The following FANK1 variants were observed in gnomAD, a reference collection of about 807,000 sequenced individuals.
The protein encoded by FANK1 is fibronectin type III and ankyrin repeat domains 1, also known as fibronectin type 3 and ankyrin repeat domains protein 1.
Under a neutral mutation model 45.3 loss-of-function variants are expected in FANK1, and 44 were observed. The ratio of observed to expected loss-of-function variants is 0.97; its 90% CI spans 0.76 to 1.25. The LOEUF (loss-of-function observed/expected upper bound fraction) is 1.25. Ranked by LOEUF, FANK1 falls within the 50% of genes most tolerant of loss-of-function variation. The pLI, the probability that FANK1 is intolerant of heterozygous loss-of-function variation, is 0.00. For synonymous variants in FANK1, 149 were observed against 152.5 expected (o/e 0.98, Z 0.17); for missense variants, 391 against 424.4 (o/e 0.92, Z 0.69).
At chr10:125,933,052 A>G (rs1183284749) in intron 1 of FANK1, among the ~76,000 whole-genome samples, 1 of 152,132 alleles carries the variant, frequency 6.6e-6, no homozygotes, top group Non-Finnish European at 1.5e-5. Context: ...TATGAAATCC[A>G]TTTGATCATG....
At chr10:125,956,202 T>TTGG (rs1554930957) in intron 1 of FANK1, among the ~76,000 whole-genome samples, 40 of 72,496 alleles carry the variant, frequency 5.5e-4, no homozygotes, top group Non-Finnish European at 9.5e-4. Flanking sequence ...ATACATTTTT[T>TTGG]GGGGGGGGGG....
chr10:125,942,312 C>T (rs1278555651), intron 1 of FANK1, among the ~76,000 whole-genome samples: 1 of 152,148 alleles, frequency 6.6e-6, no homozygotes, highest in Admixed American at 6.5e-5. Context: ...TTGATAGGTG[C>T]AGCAAACCAC....
In FANK1 at chr10:125,912,465, TG is replaced by T. The variant is rs1946098613; in HGVS notation, c.13+15811del. Among the ~76,000 whole-genome samples the T allele has an allele frequency of 2.9e-5, 4 of 137,740 alleles. No individual in the cohort carries two copies. In the South Asian group the frequency reaches 6.8e-4, roughly 23 times the overall value. 90.4% of individuals were successfully genotyped at this position (137,740 alleles called of 152,430 possible). A position where few individuals can be genotyped will look rare whatever the true frequency, so the allele number is the denominator to read the frequency against. ...CAAAGTGTGTGTGTGTGTGTGTGTG[TG>T]TGTGTGTGTGTGTGTGTGTGTTTTT... On this transcript the variant is annotated intron_variant, in intron 1 of 10. Coordinates refer to ENST00000368693, the MANE Select transcript of FANK1 (RefSeq NM_145235.5).
chr10:125,973,050 T>A (rs1319993033), intron 1 of FANK1: 1 of 152,310 alleles, frequency 6.6e-6, no homozygotes, highest in Non-Finnish European at 1.5e-5. Flanking sequence ...GAAGTGGGCC[T>A]GTGCCCAGCT....
In FANK1 at chr10:125,995,047, A is replaced by G. The variant is rs1952221535; in HGVS notation, c.317-370A>G. 17 of 695,194 alleles carry G rather than the reference A, an allele frequency of 2.4e-5. No individual in the cohort carries two copies. The South Asian group carries it at 9.8e-4, about 40-fold the overall frequency. 43.1% of individuals were successfully genotyped at this position (695,194 alleles called of 1,614,324 possible). ...TTTTTTTTTTTCCAAGTAGTTTAAC[A>G]TCTCTTTGGCAAATAAAACTAGCAT... On this transcript the variant is annotated intron_variant, in intron 3 of 10. Coordinates refer to ENST00000368693, the MANE Select transcript of FANK1 (RefSeq NM_145235.5).
chr10:125,945,269 A>C (rs1332501337), intron 1 of FANK1, among the ~76,000 whole-genome samples: 1 of 152,232 alleles, frequency 6.6e-6, no homozygotes, highest in East Asian at 1.9e-4. Context: ...GAATAGGAAC[A>C]GCTCCGGTCT....
intron 6 of FANK1, 45 bp downstream of exon 6, chr10:125,997,530 T>C (rs1395715084): frequency 2.5e-6 from 4 of 1,576,912 alleles, no homozygotes; most frequent in East Asian, 2.2e-5. Context: ...GTTCTCAGAA[T>C]TGTGTTGCTA....
chr10:125,995,275 G>A, intron 3 of FANK1, 142 bp from the exon 4 acceptor site: 1 of 713,610 alleles, frequency 1.4e-6, no homozygotes, highest in Non-Finnish European at 2.4e-6. Context: ...AAGCAGGTGA[G>A]TAGGAAATGT....
intron 1 of FANK1, among the ~76,000 whole-genome samples, chr10:125,978,240 A>T (rs564451514): frequency 6.6e-6 from 1 of 151,640 alleles, no homozygotes; most frequent in South Asian, 2.1e-4. Flanking sequence ...TGTCGGCCCA[A>T]AGGCACCTGT....
intron 3 of FANK1, among the ~76,000 whole-genome samples, chr10:125,992,741 G>A (rs1436990687): frequency 2.6e-5 from 4 of 152,010 alleles, no homozygotes; most frequent in Admixed American, 6.6e-5. Flanking sequence ...TTCTGTTCAG[G>A]TAAGATGGAG....
At chr10:125,988,768 A>G in intron 3 of FANK1, 93 bp downstream of exon 3, 1 of 1,585,330 alleles carries the variant, frequency 6.3e-7, no homozygotes, top group East Asian at 2.2e-5. Flanking sequence ...GTTTGGCCTT[A>G]CCAGAAGCAG....
chr10:125,965,662 A>G (rs762074828), intron 1 of FANK1, among the ~76,000 whole-genome samples: 18 of 152,192 alleles, frequency 1.2e-4, no homozygotes, highest in East Asian at 1.9e-4. Context: ...GTCCTCATCT[A>G]TAAATTGAGA....
Position 126,008,540 on chromosome 10 carries a change from C to T in FANK1, c.839C>T (p.Thr280Met), listed in dbSNP as rs758570268. The part of the protein sequence containing the change: ...NVNVKDRNGK[T>M]PLMVAVLNNH... ...AATGTGAAGGACAGAAATGGAAAGACGCCCCTTATGGTAGGTCCTCCTCCC... is the reference window on the plus strand; with the variant it reads ...AATGTGAAGGACAGAAATGGAAAGATGCCCCTTATGGTAGGTCCTCCTCCC... Residue 280 changes from threonine (T) to methionine (M), a missense_variant, in exon 8 of 11, where the codon ACG (threonine) becomes ATG (methionine). Thr to Met is a moderately conservative substitution (Grantham distance 81, BLOSUM62 -1). Transcript: ENST00000368693. 19 of 1,609,816 alleles carry T rather than the reference C, an allele frequency of 1.2e-5. No individual in the cohort carries two copies. The African/African-American group carries it at 1.3e-4, about 11-fold the overall frequency.
At chr10:125,999,479 G>A (rs1952598165) in intron 6 of FANK1, among the ~76,000 whole-genome samples, 1 of 152,168 alleles carries the variant, frequency 6.6e-6, no homozygotes, top group African/African-American at 2.4e-5. Context: ...ACAGTGTATG[G>A]CACATGGGAG....
chr10:125,963,895 T>TA (rs560830907), intron 1 of FANK1, among the ~76,000 whole-genome samples: 16 of 150,772 alleles, frequency 1.1e-4, no homozygotes, highest in African/African-American at 3.4e-4. Context: ...AGTATAATAA[T>TA]AAAAAAAAAC....
At chr10:125,994,215 C>A (rs900020772) in intron 3 of FANK1, among the ~76,000 whole-genome samples, 94 of 151,756 alleles carry the variant, frequency 6.2e-4, no homozygotes, top group African/African-American at 2.2e-3. Flanking sequence ...GTGTAGGGTG[C>A]AGTGGGGGAG....
chr10:126,004,947 T>C lies in FANK1; in HGVS notation c.603T>C (p.Ala201=), dbSNP rs1446695307. 3 of 1,614,212 alleles carry C rather than the reference T, an allele frequency of 1.9e-6. No individual in the cohort carries two copies. The highest frequency in any genetic ancestry group is 2.5e-6 in the Non-Finnish European group (3 of 1,180,040). Residue 201 remains alanine, a synonymous_variant, in exon 7 of 11, where the codon GCT becomes GCC. Coordinates refer to ENST00000368693, the MANE Select transcript of FANK1 (RefSeq NM_145235.5). Reference sequence around the variant, plus strand: ...TGAAATATCTCCGAAGACATGGCGCTTCTTGGCAGGCTAGAGACCTGGGAG... The same window carrying C: ...TGAAATATCTCCGAAGACATGGCGCCTCTTGGCAGGCTAGAGACCTGGGAG... ...DVVKYLRRHG[A]SWQARDLGGC...
chr10:125,946,514 G>A (rs1406206765), intron 1 of FANK1, among the ~76,000 whole-genome samples: 2 of 152,120 alleles, frequency 1.3e-5, no homozygotes, highest in Non-Finnish European at 2.9e-5. Flanking sequence ...ATCAGCAATG[G>A]AAGATGAAAT....
intron 1 of FANK1, among the ~76,000 whole-genome samples, chr10:125,919,222 T>TTTTTTTTC (rs71029274): frequency 7.6e-6 from 1 of 130,872 alleles, no homozygotes; most frequent in Admixed American, 7.9e-5. Flanking sequence ...TTTTTTTTTT[T>TTTTTTTTC]TGTGACAGAG....
Sources: gnomAD v4.1 joint callset for allele counts (sites outside exome capture counted in the v4.1 genomes callset) on GRCh38, gnomAD v4.1.1 for gene constraint, MANE v1.5 for transcripts, NCBI Gene and HGNC (gene_info 2026-07-23, HGNC 2026-07-21) for gene names.